The following RTF1 variants were observed in gnomAD, a reference collection of about 807,000 sequenced individuals.
RTF1 encodes RNA polymerase-associated protein RTF1 homolog.
Under a neutral mutation model 95.7 loss-of-function variants are expected in RTF1, and 10 were observed. That is an observed-to-expected ratio of 0.10 (90% CI 0.06 to 0.18). RTF1 has a LOEUF of 0.18. Ranked by LOEUF, RTF1 falls within the 10% of genes least tolerant of loss-of-function variation. RTF1 has a pLI of 1.00. For synonymous variants in RTF1, 305 were observed against 311.8 expected, an observed-to-expected ratio of 0.98 and a Z score of 0.23; for missense variants, 458 against 875.6, an observed-to-expected ratio of 0.52 and a Z score of 6.02.
rs1167158935 is a variant in RTF1, at chr15:41,417,229, G to A, written c.114G>A (p.Gly38=). The change falls in exon 1 of 18, where the codon GGG becomes GGA. Residue 38 remains glycine, a synonymous_variant. Transcript: ENST00000389629. ...GCGGCGGCCGGCGTGGGAGCCGGGG[G>A]ACCACCATGGTAAAGAAGCGGAAAG... ...SPGGGRRGSR[G]TTMVKKRKGR... 24 of 1,257,742 alleles carry A rather than the reference G, an allele frequency of 1.9e-5. No homozygotes were observed. Among genetic ancestry groups the A allele is most frequent in the East Asian group, 3.1e-5 (1 of 31,920 alleles). The allele number at this position is 1,257,742 out of a possible 1,614,324, so 77.9% of individuals were successfully genotyped here.
intron 1 of RTF1, among the ~76,000 whole-genome samples, chr15:41,430,760 T>C (rs566178457): frequency 6.6e-6 from 1 of 152,018 alleles, no homozygotes; most frequent in African/African-American, 2.4e-5. Context: ...ACAAAAAGAA[T>C]ATAAAGGACT....
At chr15:41,433,843 C>CTTTT (rs11326489) in intron 1 of RTF1, among the ~76,000 whole-genome samples, 5 of 126,068 alleles carry the variant, frequency 4.0e-5, no homozygotes, top group East Asian at 2.2e-4. Flanking sequence ...TGCTACCACA[C>CTTTT]TTTTTTTTTT....
intron 2 of RTF1, among the ~76,000 whole-genome samples, chr15:41,442,236 T>C (rs1433921726): frequency 6.6e-6 from 1 of 151,512 alleles, no homozygotes. Context: ...GGCGTGATCT[T>C]GGCTCGCTGT....
chr15:41,467,337 G>T (rs1442398258), intron 6 of RTF1, among the ~76,000 whole-genome samples: 1 of 152,152 alleles, frequency 6.6e-6, no homozygotes, highest in African/African-American at 2.4e-5. Context: ...CTTGGAATTG[G>T]CATAGTGTCA....
At chr15:41,464,635 A>G in intron 4 of RTF1, 136 bp from the exon 5 acceptor site, 1 of 564,834 alleles carries the variant, frequency 1.8e-6, no homozygotes, top group Non-Finnish European at 3.0e-6. Context: ...TGTACTTAAA[A>G]GGTACACCAG....
At chr15:41,464,608 A>G (rs957012115) in intron 4 of RTF1, among the ~76,000 whole-genome samples, 163 bp from the exon 5 acceptor site, 1 of 152,296 alleles carries the variant, frequency 6.6e-6, no homozygotes, top group South Asian at 2.1e-4. Context: ...TGTAATTAAC[A>G]TATTAAATAT....
chr15:41,431,646 T>TGCCACCAA (rs971673959), intron 1 of RTF1, among the ~76,000 whole-genome samples: 14 of 152,172 alleles, frequency 9.2e-5, no homozygotes, highest in Admixed American at 3.9e-4. Flanking sequence ...TATAGGCATG[T>TGCCACCAA]GCCACCACAC....
At chr15:41,468,346 C>G (rs964020218) in intron 6 of RTF1, among the ~76,000 whole-genome samples, 1 of 149,744 alleles carries the variant, frequency 6.7e-6, no homozygotes, top group African/African-American at 2.5e-5. Context: ...GAGACGGAGT[C>G]TCGCTCTGTC....
At chr15:41,460,976 A>G (rs1451601010) in intron 4 of RTF1, among the ~76,000 whole-genome samples, 2 of 149,558 alleles carry the variant, frequency 1.3e-5, no homozygotes, top group Non-Finnish European at 3.0e-5. Flanking sequence ...TACCAGGTTC[A>G]GTGATTCTCC....
Position 41,432,885 on chromosome 15 carries a change from C to G in RTF1, c.199-5436C>G, listed in dbSNP as rs144474864. On this transcript the variant is annotated intron_variant, in intron 1 of 17. Coordinates refer to ENST00000389629, the MANE Select transcript of RTF1 (RefSeq NM_015138.5). ...ACCAGGAGGCCGAGGTTGTAGTGAG[C>G]CGGGATCGCACCATTGCACTCCAGC... Among the ~76,000 whole-genome samples the G allele has an allele frequency of 3.5e-3, 519 of 150,114 alleles. 5 individuals are homozygous for G. The highest frequency in any genetic ancestry group is 0.012 in the African/African-American group (502 of 40,764).
chr15:41,451,118 G>C (rs1287854589), intron 2 of RTF1, among the ~76,000 whole-genome samples: 4 of 151,730 alleles, frequency 2.6e-5, no homozygotes, highest in South Asian at 2.1e-4. Context: ...AAGATCAAAA[G>C]AATTTACTTC....
At chr15:41,463,635 C>A (rs2050863652) in intron 4 of RTF1, among the ~76,000 whole-genome samples, 1 of 152,060 alleles carries the variant, frequency 6.6e-6, no homozygotes, top group Non-Finnish European at 1.5e-5. Context: ...GCATGTACCA[C>A]CATGTCCAGC....
intron 6 of RTF1, among the ~76,000 whole-genome samples, chr15:41,467,828 C>T (rs759208376): frequency 4.6e-5 from 7 of 152,106 alleles, no homozygotes; most frequent in East Asian, 1.9e-4. Flanking sequence ...AGTTCAAGAC[C>T]GGCCTGGCCA....
intron 15 of RTF1, 64 bp from the exon 16 acceptor site, chr15:41,479,039 G>T: frequency 8.7e-7 from 1 of 1,148,732 alleles, no homozygotes; most frequent in African/African-American, 1.5e-5. Flanking sequence ...AGGTGGGAAA[G>T]AATCTGGCAG....
Position 41,417,296 on chromosome 15 carries a change from G to A in RTF1, c.181G>A (p.Asp61Asn), listed in dbSNP as rs2140941446. The change falls in exon 1 of 18, where the codon GAC (aspartate) becomes AAC (asparagine). Residue 61 changes from aspartate to asparagine, a missense_variant. Asp to Asn is a conservative substitution (Grantham distance 23). Around this residue, in one of 11 missense-constraint regions of RTF1, gnomAD observed 44 missense variants for 99.5 expected, o/e 0.44. Transcript: ENST00000389629. ...IDSDTEDSGS[D>N]ENLDQELLSL... ...CTCGGACACAGAGGACAGCGGCAGC[G>A]ACGAGAACCTGGATCAGGTGAGGGC... 3 of 1,247,582 alleles carry A rather than the reference G, an allele frequency of 2.4e-6. No homozygotes were observed. The highest frequency in any genetic ancestry group is 8.2e-5 in the South Asian group (2 of 24,454). 77.3% of individuals were successfully genotyped at this position (1,247,582 alleles called of 1,614,324 possible).
chr15:41,419,255 C>T (rs2050588628), intron 1 of RTF1, among the ~76,000 whole-genome samples: 1 of 152,096 alleles, frequency 6.6e-6, no homozygotes, highest in Admixed American at 6.5e-5. Flanking sequence ...CAGACAATAA[C>T]AACATTGGCT....
intron 1 of RTF1, among the ~76,000 whole-genome samples, chr15:41,426,312 A>AT (rs540070805): frequency 0.068 from 9,737 of 142,986 alleles, 348 homozygotes; most frequent in East Asian, 0.16. Flanking sequence ...GTTTGTTTTT[A>AT]TTTTTTTTTT....
chr15:41,427,675 C>T (rs1438938268), intron 1 of RTF1, among the ~76,000 whole-genome samples: 2 of 152,070 alleles, frequency 1.3e-5, no homozygotes, highest in Non-Finnish European at 2.9e-5. Context: ...GAGACCCTGA[C>T]TCAAATAATA....
rs2050988753 is a variant in RTF1 at position 41,483,410 on chromosome 15, G to A, written c.*2723G>A. 1 of 152,528 alleles carries A rather than the reference G, an allele frequency of 6.6e-6. No individual in the cohort carries two copies. Among genetic ancestry groups the A allele is most frequent in the African/African-American group, 2.4e-5 (1 of 41,406 alleles). 9.4% of individuals were successfully genotyped at this position (152,528 alleles called of 1,614,324 possible). ...TCTGCCTAGTTCATAATGTTTATAGGTCTGTTTGTCTGTCTTGCTTCTGGC... is the reference window on the plus strand; with the variant it reads ...TCTGCCTAGTTCATAATGTTTATAGATCTGTTTGTCTGTCTTGCTTCTGGC... On this transcript the variant is annotated 3_prime_UTR_variant, in exon 18 of 18. Transcript: ENST00000389629.
Sources: gnomAD v4.1 joint callset for allele counts (sites outside exome capture counted in the v4.1 genomes callset) on GRCh38, gnomAD v4.1.1 for gene constraint, gnomAD v4.1.1 regional missense constraint, MANE v1.5 for transcripts, NCBI Gene and HGNC (gene_info 2026-07-23, HGNC 2026-07-21) for gene names.